SLC15A2: variants seen among roughly 807,000 people sequenced by gnomAD.
SLC15A2 encodes kidney H(+)/peptide cotransporter.
SLC15A2 carries 77 observed loss-of-function variants against 95.5 expected under a neutral mutation model. The observed-to-expected ratio is 0.81, with a 90% CI of 0.67 to 0.97. The LOEUF (loss-of-function observed/expected upper bound fraction) is 0.97. Among genes scored for constraint, SLC15A2 ranks in the 50% least tolerant of loss-of-function variants. SLC15A2 has a pLI of 0.00. For synonymous variants in SLC15A2, 306 were observed against 306.9 expected (o/e 1.00, Z 0.03); for missense variants, 893 against 874.4 (o/e 1.02, Z -0.27).
At chr3:121,930,996 T>G in intron 18 of SLC15A2, 46 bp downstream of exon 18, 8 of 1,274,834 alleles carry the variant, frequency 6.3e-6, no homozygotes, top group Non-Finnish European at 8.0e-6. Flanking sequence ...TCAATAATTG[T>G]TTTTTAAGTG....
chr3:121,926,192 T>C (rs1048969285), intron 13 of SLC15A2, among the ~76,000 whole-genome samples: 4 of 152,118 alleles, frequency 2.6e-5, no homozygotes, highest in African/African-American at 9.7e-5. Context: ...GAAAAGTCTT[T>C]GATGCAGTTT....
chr3:121,915,619 A>G lies in SLC15A2; in HGVS notation c.623A>G (p.Asp208Gly). 1.2e-6 allele frequency: 2 copies of G among 1,612,422 alleles called. No individual in the cohort carries two copies. Among genetic ancestry groups the G allele is most frequent in the Non-Finnish European group, 1.7e-6 (2 of 1,178,506 alleles). ...STFITPMLRG[D>G]VQCFGEDCYA... ...CCTCCCATCCCATTTTCTTTAGGAG[A>G]TGTGCAATGTTTTGGAGAAGACTGC... Residue 208 changes from aspartate (D) to glycine (G), a missense_variant, in exon 7 of 22, where the codon GAT becomes GGT. Coordinates refer to ENST00000489711, the MANE Select transcript of SLC15A2 (RefSeq NM_021082.4).
Position 121,929,006 on chromosome 3 carries a change from C to T in SLC15A2, c.1366C>T (p.His456Tyr). The T allele has an allele frequency of 6.2e-7, 1 of 1,614,022 alleles. No individual in the cohort carries two copies. The highest frequency in any genetic ancestry group is 8.5e-7 in the Non-Finnish European group (1 of 1,179,938). The change falls in exon 16 of 22, where the codon CAC (histidine) becomes TAC (tyrosine). Residue 456 changes from histidine (H) to tyrosine (Y), a missense_variant. Physicochemically the swap from His to Tyr is moderately conservative, Grantham distance 83. Transcript: ENST00000489711. ...FQKTPHYSKLHLKTKSQDFHF... is the reference protein window; with the variant it reads ...FQKTPHYSKLYLKTKSQDFHF... ...GAAAACACCACACTATTCCAAACTG[C>T]ACCTGAAAACAAAAAGCCAGGATTT...
At chr3:121,939,277 G>T in intron 19 of SLC15A2, 72 bp from the exon 20 acceptor site, 2 of 1,193,802 alleles carry the variant, frequency 1.7e-6, no homozygotes, top group Non-Finnish European at 2.2e-6. Flanking sequence ...ATATAAGATC[G>T]TAGAATGCTG....
intron 3 of SLC15A2, among the ~76,000 whole-genome samples, chr3:121,909,735 G>A (rs1709724193): frequency 6.6e-6 from 1 of 152,114 alleles, no homozygotes; most frequent in African/African-American, 2.4e-5. Context: ...CCTGCAGCCT[G>A]CAGGCCACAT....
intron 3 of SLC15A2, among the ~76,000 whole-genome samples, chr3:121,899,010 G>A (rs1043515283): frequency 6.6e-6 from 1 of 152,138 alleles, no homozygotes; most frequent in Non-Finnish European, 1.5e-5. Flanking sequence ...AGTTTATCTA[G>A]ATAGGAGATT....
intron 7 of SLC15A2, among the ~76,000 whole-genome samples, chr3:121,920,451 C>T (rs879061153): frequency 6.6e-5 from 10 of 152,108 alleles, no homozygotes; most frequent in Non-Finnish European, 1.5e-4. Context: ...CGCACCACCA[C>T]GCCCAGCTAA....
intron 17 of SLC15A2, 73 bp downstream of exon 17, chr3:121,929,421 C>T (rs2107603950): frequency 2.7e-6 from 4 of 1,486,464 alleles, no homozygotes; most frequent in Middle Eastern, 3.4e-4. Context: ...TTTGGGGCTG[C>T]ATTCTACTTG....
At chr3:121,922,569 T>C (rs1170010014) in intron 8 of SLC15A2, among the ~76,000 whole-genome samples, 1 of 152,244 alleles carries the variant, frequency 6.6e-6, no homozygotes, top group Non-Finnish European at 1.5e-5. Flanking sequence ...TTTTTTGTTG[T>C]TATTTTTTGT....
At chr3:121,897,266 A>G (rs963284474) in intron 2 of SLC15A2, 122 bp from the exon 3 acceptor site, 14 of 1,096,378 alleles carry the variant, frequency 1.3e-5, no homozygotes, top group South Asian at 4.6e-5. Context: ...TGTCACTGAT[A>G]GGAGTGCTGA....
At chr3:121,912,316 C>T (rs1709782844) in intron 4 of SLC15A2, among the ~76,000 whole-genome samples, 1 of 152,136 alleles carries the variant, frequency 6.6e-6, no homozygotes, top group African/African-American at 2.4e-5. Context: ...TCACTGAAAC[C>T]TTTGCCTCCT....
intron 11 of SLC15A2, 96 bp downstream of exon 11, chr3:121,923,362 C>A: frequency 1.6e-6 from 2 of 1,224,832 alleles, no homozygotes; most frequent in Non-Finnish European, 2.4e-6. Context: ...TGAAAACTAA[C>A]AAGATCTTCA....
In SLC15A2 at chr3:121,941,021, T is replaced by A. The variant is rs768742539; in HGVS notation, c.*14T>A. On this transcript the variant is annotated 3_prime_UTR_variant, in exon 22 of 22. Transcript: ENST00000489711. ...ACAAAACTCTGATGACTCCCTAGAT[T>A]CTGTCCTGACCCCAATTCCTGGCCC... The A allele has an allele frequency of 6.2e-7, 1 of 1,609,642 alleles. No individual in the cohort carries two copies. Among genetic ancestry groups the A allele is most frequent in the Non-Finnish European group, 8.5e-7 (1 of 1,178,044 alleles).
At chr3:121,930,178 C>T (rs1040628208) in intron 17 of SLC15A2, among the ~76,000 whole-genome samples, 9 of 152,134 alleles carry the variant, frequency 5.9e-5, no homozygotes, top group African/African-American at 2.2e-4. Context: ...AGGGAAATGT[C>T]CTTCTTATTC....
Position 121,940,475 on chromosome 3 carries a change from G to T in SLC15A2, c.2000G>T (p.Ser667Ile). ...NIIVLVVAQFSGLVQWAEFIL... is the reference protein window; with the variant it reads ...NIIVLVVAQFIGLVQWAEFIL... ...ATCGTGCTTGTTGTGGCACAGTTCA[G>T]TGGCCTGGTACAGGTATGGATCTGA... The change falls in exon 21 of 22, where the codon AGT (serine) becomes ATT (isoleucine). Residue 667 changes from serine to isoleucine, a missense_variant. By Grantham distance (142) the Ser-to-Ile change is moderately radical (BLOSUM62 -2). Transcript: ENST00000489711. The T allele has an allele frequency of 6.2e-7, 1 of 1,613,614 alleles. No individual in the cohort carries two copies. Among genetic ancestry groups the T allele is most frequent in the African/African-American group, 1.3e-5 (1 of 75,030 alleles).
chr3:121,926,330 C>T (rs1285202616), intron 13 of SLC15A2, among the ~76,000 whole-genome samples: 7 of 152,040 alleles, frequency 4.6e-5, no homozygotes, highest in Non-Finnish European at 7.4e-5. Flanking sequence ...AGTGCTATCC[C>T]GTTGGTGCTG....
chr3:121,896,422 A>G lies in SLC15A2; in HGVS notation c.122A>G (p.Asn41Ser), dbSNP rs776411021. ...GTTGAATAGACAATCTGTGGCTCCA[A>G]CTATCCACTGAGCATTGCCTTCATT... ...KKPSPTICGS[N>S]YPLSIAFIVV... is the part of the protein sequence containing the mutation. The change falls in exon 2 of 22, where the codon AAC (asparagine) becomes AGC (serine). Residue 41 changes from asparagine to serine, a missense_variant. Physicochemically the swap from Asn to Ser is conservative, Grantham distance 46. Transcript: ENST00000489711. The G allele has an allele frequency of 1.1e-5, 17 of 1,613,814 alleles. No individual in the cohort carries two copies. The highest frequency in any genetic ancestry group is 2.2e-5 in the East Asian group (1 of 44,872).
At chr3:121,897,360 C>CCACG (rs754506471) in intron 2 of SLC15A2, 28 bp from the exon 3 acceptor site, 3 of 1,611,124 alleles carry the variant, frequency 1.9e-6, no homozygotes, top group African/African-American at 1.3e-5. Context: ...TTTTGTCTCC[C>CCACG]CACGCCTCCT....
chr3:121,900,232 A>T (rs1446403582), intron 3 of SLC15A2, among the ~76,000 whole-genome samples: 2 of 152,146 alleles, frequency 1.3e-5, no homozygotes, highest in African/African-American at 4.8e-5. Context: ...TCTTCTCTAC[A>T]TTCCCACCTT....
Sources: allele counts gnomAD v4.1 joint callset (sites outside exome capture counted in the v4.1 genomes callset), GRCh38; gene constraint gnomAD v4.1.1; transcripts MANE v1.5; gene names NCBI Gene and HGNC (gene_info 2026-07-23, HGNC 2026-07-21).